ALKAL1: variants seen among roughly 807,000 people sequenced by gnomAD.
ALKAL1 encodes the protein ALK and LTK ligand 1.
ALKAL1 carries 23 observed loss-of-function variants against 13.5 expected under a neutral mutation model. The ratio of observed to expected loss-of-function variants is 1.70; its 90% CI spans 1.23 to 2.41. The LOEUF (loss-of-function observed/expected upper bound fraction) is 2.41, where lower values mean the gene tolerates loss of function less well. ALKAL1 is among the 30% of genes most tolerant of loss of function. The pLI, the probability that ALKAL1 is intolerant of heterozygous loss-of-function variation, is 0.00. For missense variants in ALKAL1, 181 were observed against 178.4 expected (o/e 1.01, Z -0.08); for synonymous variants, 85 against 77.7 (o/e 1.09, Z -0.49).
At chr8:52,550,884 C>T (rs1324103845) in intron 1 of ALKAL1, among the ~76,000 whole-genome samples, 1 of 152,116 alleles carries the variant, frequency 6.6e-6, no homozygotes, top group Non-Finnish European at 1.5e-5. Context: ...TAACTAATTA[C>T]ATCTGCAATG....
chr8:52,541,971 C>G (rs1309861005), intron 2 of ALKAL1, among the ~76,000 whole-genome samples: 1 of 151,988 alleles, frequency 6.6e-6, no homozygotes, highest in African/African-American at 2.4e-5. Context: ...GGGCCAAATA[C>G]GTCCCTACCT....
intron 1 of ALKAL1, among the ~76,000 whole-genome samples, chr8:52,547,351 T>A (rs1847380469): frequency 6.6e-6 from 1 of 151,820 alleles, no homozygotes. Flanking sequence ...TACAAAAAAA[T>A]TAGCCTAGCG....
chr8:52,540,338 A>G (rs1847300897), intron 2 of ALKAL1, among the ~76,000 whole-genome samples: 1 of 152,170 alleles, frequency 6.6e-6, no homozygotes, highest in Non-Finnish European at 1.5e-5. Flanking sequence ...AATTATAATA[A>G]TTTGTGTCTT....
chr8:52,540,020 T>C (rs1847298020), intron 2 of ALKAL1, 109 bp from the exon 3 acceptor site: 1 of 828,054 alleles, frequency 1.2e-6, no homozygotes, highest in Non-Finnish European at 1.9e-6. Context: ...CATCCTTCCA[T>C]ACCCTTAAAA....
rs1429049679 is a variant in ALKAL1 at position 52,534,254 on chromosome 8, C to T, written c.*359G>A. ...CAAAAAAATCATTATTTCTCACTGGCACTCACAGATATAATTTACACAATT... is the reference window on the plus strand; with the variant it reads ...CAAAAAAATCATTATTTCTCACTGGTACTCACAGATATAATTTACACAATT... On this transcript the variant is annotated 3_prime_UTR_variant, in exon 5 of 5. Transcript: ENST00000358543. 1 of 173,594 alleles carries T rather than the reference C, an allele frequency of 5.8e-6. No individual in the cohort carries two copies. Among genetic ancestry groups the T allele is most frequent in the African/African-American group, 2.4e-5 (1 of 42,412 alleles). The allele number at this position is 173,594 out of a possible 1,614,324, so 10.8% of individuals were successfully genotyped here.
intron 1 of ALKAL1, among the ~76,000 whole-genome samples, chr8:52,564,725 G>A (rs1194107604): frequency 6.6e-6 from 1 of 152,160 alleles, no homozygotes; most frequent in African/African-American, 2.4e-5. Context: ...GAAATGGGGT[G>A]CTGACAGGGA....
chr8:52,536,140 T>C (rs1174328785), intron 4 of ALKAL1, among the ~76,000 whole-genome samples: 1 of 152,184 alleles, frequency 6.6e-6, no homozygotes, highest in Non-Finnish European at 1.5e-5. Flanking sequence ...GGTTTCACCA[T>C]GTTGGCCAAG....
chr8:52,539,030 G>T (rs1007657310), intron 3 of ALKAL1, among the ~76,000 whole-genome samples: 1 of 152,040 alleles, frequency 6.6e-6, no homozygotes, highest in Non-Finnish European at 1.5e-5. Context: ...GAGCTCAAGC[G>T]ATCCGCTTGC....
chr8:52,562,968 T>A (rs192608335), intron 1 of ALKAL1, among the ~76,000 whole-genome samples: 3 of 152,356 alleles, frequency 2.0e-5, no homozygotes, highest in African/African-American at 7.2e-5. Context: ...CAGACTCAGA[T>A]ACGGATGTCA....
intron 1 of ALKAL1, among the ~76,000 whole-genome samples, chr8:52,554,759 G>A (rs1472841738): frequency 2.0e-5 from 3 of 152,200 alleles, no homozygotes; most frequent in Non-Finnish European, 4.4e-5. Flanking sequence ...TGTTTGGAGA[G>A]AGAAAGAAGG....
At position 52,565,384 on chromosome 8, in the gene ALKAL1, G is replaced by T; in HGVS notation, c.-128C>A. The T allele has an allele frequency of 5.9e-6, 4 of 681,356 alleles. No individual in the cohort carries two copies. Among genetic ancestry groups the T allele is most frequent in the Non-Finnish European group, 8.4e-6 (4 of 475,026 alleles). The allele number at this position is 681,356 out of a possible 1,614,324, so 42.2% of individuals were successfully genotyped here. A position where few individuals can be genotyped will look rare whatever the true frequency, so the allele number is the denominator to read the frequency against. The stretch of plus-strand genomic sequence containing the variant: ...TACGCGGCCGGCCGCAGTCTTCACC[G>T]CGCGCCTGCCCTTGTCTACGTCCCG... On this transcript the variant is annotated 5_prime_UTR_variant, in exon 1 of 5. Coordinates refer to ENST00000358543, the MANE Select transcript of ALKAL1 (RefSeq NM_207413.4).
At chr8:52,536,185 C>G (rs1847265513) in intron 4 of ALKAL1, among the ~76,000 whole-genome samples, 1 of 152,150 alleles carries the variant, frequency 6.6e-6, no homozygotes, top group Admixed American at 6.5e-5. Context: ...GTGATCCACC[C>G]GCCTCGGCGT....
intron 1 of ALKAL1, among the ~76,000 whole-genome samples, chr8:52,547,149 G>C (rs1295568973): frequency 6.6e-6 from 1 of 152,102 alleles, no homozygotes; most frequent in Non-Finnish European, 1.5e-5. Context: ...TTAGTGACTA[G>C]ATGCACGCAG....
chr8:52,558,041 C>T (rs1306013539), intron 1 of ALKAL1, among the ~76,000 whole-genome samples: 1 of 151,324 alleles, frequency 6.6e-6, no homozygotes, highest in East Asian at 1.9e-4. Context: ...CTCCTGTAAT[C>T]CCAGCACTTT....
At position 52,565,211 on chromosome 8, in the gene ALKAL1, G is replaced by C. The variant is rs1444035449; in HGVS notation, c.46C>G (p.Leu16Val). 2.2e-6 allele frequency: 3 copies of C among 1,338,178 alleles called. No individual in the cohort carries two copies. The Admixed American group carries it at 1.2e-4, about 52-fold the overall frequency. The allele number at this position is 1,338,178 out of a possible 1,614,324, so 82.9% of individuals were successfully genotyped here. Reference sequence around the variant, plus strand: ...CCGTGCGGGGACAAAGCCAGCGCCAGCAGGAAGAGTGCGGGCAAAGGGGCG... The same window carrying C: ...CCGTGCGGGGACAAAGCCAGCGCCACCAGGAAGAGTGCGGGCAAAGGGGCG... ...PGAPLPALFL[L>V]ALALSPHGAH... Residue 16 changes from leucine (L) to valine (V), a missense_variant, in exon 1 of 5, where the codon CTG becomes GTG. By Grantham distance (32) the Leu-to-Val change is conservative (BLOSUM62 1). Coordinates refer to ENST00000358543, the MANE Select transcript of ALKAL1 (RefSeq NM_207413.4).
At chr8:52,536,731 A>G (rs1004539515) in intron 4 of ALKAL1, among the ~76,000 whole-genome samples, 10 of 152,208 alleles carry the variant, frequency 6.6e-5, no homozygotes, top group Non-Finnish European at 1.5e-4. Flanking sequence ...TAGAACATCT[A>G]AGTACTTTTG....
chr8:52,548,072 G>A (rs1358227424), intron 1 of ALKAL1, among the ~76,000 whole-genome samples: 1 of 152,216 alleles, frequency 6.6e-6, no homozygotes, highest in Admixed American at 6.5e-5. Flanking sequence ...CTTTACGCCG[G>A]GTGCAGTGGC....
intron 4 of ALKAL1, among the ~76,000 whole-genome samples, chr8:52,537,269 G>A (rs1847273875): frequency 6.6e-6 from 1 of 152,162 alleles, no homozygotes; most frequent in South Asian, 2.1e-4. Context: ...TAACCATGAT[G>A]AGATATCATC....
At chr8:52,545,428 A>AG (rs1847359456) in intron 1 of ALKAL1, among the ~76,000 whole-genome samples, 1 of 152,140 alleles carries the variant, frequency 6.6e-6, no homozygotes, top group African/African-American at 2.4e-5. Context: ...ACTCAGTGGA[A>AG]GGCTGATCAA....
Sources: gnomAD v4.1 joint callset for allele counts (sites outside exome capture counted in the v4.1 genomes callset) on GRCh38, gnomAD v4.1.1 for gene constraint, MANE v1.5 for transcripts, NCBI Gene and HGNC (gene_info 2026-07-23, HGNC 2026-07-21) for gene names.